Variants in NPAS3 observed in about 807,000 individuals in gnomAD.
The protein encoded by NPAS3 is neuronal PAS domain protein 3, also known as neuronal PAS domain-containing protein 3.
Under a neutral mutation model 73.1 loss-of-function variants are expected in NPAS3, and 14 were observed. The ratio of observed to expected loss-of-function variants is 0.19; its 90% CI spans 0.13 to 0.30. NPAS3 has a LOEUF of 0.30. NPAS3 is among the 10% of genes least tolerant of loss of function. The probability of loss-of-function intolerance (pLI) is 1.00; values close to 1 mark genes in which losing one functional copy is unlikely to be tolerated. For synonymous variants in NPAS3, 620 were observed against 541.5 expected, an observed-to-expected ratio of 1.14 and a Z score of -2.01; for missense variants, 1,096 against 1,250.0, an observed-to-expected ratio of 0.88 and a Z score of 1.86.
chr14:33,502,323 A>G (rs1248917016), intron 4 of NPAS3, among the ~76,000 whole-genome samples: 1 of 149,868 alleles, frequency 6.7e-6, no homozygotes, highest in Non-Finnish European at 1.5e-5. Context: ...CTCTCCTCCC[A>G]GTGGAGAAGG....
intron 2 of NPAS3, among the ~76,000 whole-genome samples, chr14:33,134,808 A>G (rs2043773277): frequency 6.6e-6 from 1 of 152,136 alleles, no homozygotes; most frequent in South Asian, 2.1e-4. Context: ...TTAGATCTTT[A>G]TATGGATAAT....
At chr14:33,198,072 C>T (rs981412240) in intron 2 of NPAS3, among the ~76,000 whole-genome samples, 7 of 95,960 alleles carry the variant, frequency 7.3e-5, no homozygotes, top group Admixed American at 6.8e-4. Context: ...TTGTTCCTCC[C>T]GTCCAGAGTT....
chr14:33,719,618 G>A (rs866478400), intron 6 of NPAS3, among the ~76,000 whole-genome samples: 24 of 152,036 alleles, frequency 1.6e-4, no homozygotes, highest in Non-Finnish European at 2.2e-4. Flanking sequence ...GAAAAGAAGC[G>A]GAGTCTTAAG....
In NPAS3 at chr14:33,322,000, G is replaced by A. The variant is rs17100641; in HGVS notation, c.386-45186G>A. On this transcript the variant is annotated intron_variant, in intron 3 of 11. Coordinates refer to ENST00000356141, the Ensembl canonical transcript of NPAS3. The stretch of plus-strand genomic sequence containing the variant: ...CTGCAGGACTGAATGAGCCAGTCGG[G>A]TTTTGTGAGAAGGGAAGGGGCCTGT... Among the ~76,000 whole-genome samples the A allele has an allele frequency of 8.6e-3, 1,310 of 152,268 alleles. 82 individuals carry two copies. In the East Asian group the frequency reaches 0.14, roughly 17 times the overall value.
intron 4 of NPAS3, among the ~76,000 whole-genome samples, chr14:33,506,787 T>C (rs1300374960): frequency 6.6e-6 from 1 of 152,070 alleles, no homozygotes; most frequent in Non-Finnish European, 1.5e-5. Flanking sequence ...GGTAGATTAC[T>C]GTGTAGGAAG....
chr14:33,432,858 A>G (rs1276356944), intron 4 of NPAS3, among the ~76,000 whole-genome samples: 1 of 152,216 alleles, frequency 6.6e-6, no homozygotes, highest in Non-Finnish European at 1.5e-5. Context: ...AGATAATCGT[A>G]CTAAATGAAC....
At chr14:33,273,490 A>G (rs1389961292) in intron 3 of NPAS3, among the ~76,000 whole-genome samples, 1 of 152,132 alleles carries the variant, frequency 6.6e-6, no homozygotes, top group African/African-American at 2.4e-5. Flanking sequence ...AAGCTATAAT[A>G]TTTATTCCAT....
intron 1 of NPAS3, among the ~76,000 whole-genome samples, chr14:32,955,364 A>G (rs1475948946): frequency 6.6e-6 from 1 of 152,138 alleles, no homozygotes; most frequent in Non-Finnish European, 1.5e-5. Flanking sequence ...CTGCAATGGG[A>G]CTACTTATGT....
intron 1 of NPAS3, among the ~76,000 whole-genome samples, chr14:32,987,865 T>G (rs2038160299): frequency 6.6e-6 from 1 of 152,202 alleles, no homozygotes; most frequent in African/African-American, 2.4e-5. Context: ...ATGAAATTTC[T>G]TATACTTGGA....
Position 33,360,500 on chromosome 14 carries a change from A to G in NPAS3, c.386-6686A>G, listed in dbSNP as rs560104943. Among the ~76,000 whole-genome samples the G allele has an allele frequency of 2.6e-5, 4 of 152,330 alleles. No individual in the cohort carries two copies. The South Asian group carries it at 8.3e-4, about 32-fold the overall frequency. On this transcript the variant is annotated intron_variant, in intron 3 of 11. Transcript: ENST00000356141. Reference sequence around the variant, plus strand: ...AGGAAATTCTCATTTCTTTCACTGTATAAAGGGAATTAAATAGTTAACTTT... The same window carrying G: ...AGGAAATTCTCATTTCTTTCACTGTGTAAAGGGAATTAAATAGTTAACTTT...
At chr14:33,258,503 G>T (rs547800435) in intron 3 of NPAS3, among the ~76,000 whole-genome samples, 67 of 152,230 alleles carry the variant, frequency 4.4e-4, no homozygotes, top group Non-Finnish European at 7.3e-4. Flanking sequence ...TGTAGGATTA[G>T]CTTTGTCCTT....
chr14:33,584,859 C>T (rs1012242317), intron 5 of NPAS3, among the ~76,000 whole-genome samples: 4 of 152,140 alleles, frequency 2.6e-5, no homozygotes, highest in Non-Finnish European at 4.4e-5. Context: ...TACCTATTAA[C>T]ATGCACATGT....
At chr14:33,669,239 A>G (rs1409797939) in intron 5 of NPAS3, among the ~76,000 whole-genome samples, 1 of 152,210 alleles carries the variant, frequency 6.6e-6, no homozygotes, top group East Asian at 1.9e-4. Flanking sequence ...TTTTACTATG[A>G]TGTAACCTCT....
intron 1 of NPAS3, among the ~76,000 whole-genome samples, chr14:32,988,757 C>T (rs1420211297): frequency 3.9e-5 from 6 of 152,226 alleles, no homozygotes; most frequent in Non-Finnish European, 7.3e-5. Context: ...TCCAAAACTT[C>T]TCTAGGGCTT....
At chr14:33,627,836 T>C (rs2058264319) in intron 5 of NPAS3, among the ~76,000 whole-genome samples, 1 of 152,224 alleles carries the variant, frequency 6.6e-6, no homozygotes, top group South Asian at 2.1e-4. Flanking sequence ...TTCACAGAGA[T>C]GCTGATGAAT....
intron 5 of NPAS3, among the ~76,000 whole-genome samples, chr14:33,652,512 G>A (rs898362770): frequency 1.3e-5 from 2 of 152,148 alleles, no homozygotes; most frequent in South Asian, 4.1e-4. Flanking sequence ...TGATGGGCTG[G>A]CCTAGTGACC....
intron 4 of NPAS3, among the ~76,000 whole-genome samples, chr14:33,541,124 T>TGTGC (rs1566985371): frequency 3.4e-4 from 51 of 150,980 alleles, no homozygotes; most frequent in African/African-American, 1.2e-3. Flanking sequence ...TGTGTGTGTG[T>TGTGC]GTGCATGCAC....
At chr14:33,245,212 C>T (rs1425027803) in intron 3 of NPAS3, among the ~76,000 whole-genome samples, 2 of 152,138 alleles carry the variant, frequency 1.3e-5, no homozygotes, top group East Asian at 3.9e-4. Flanking sequence ...TGATTCAAAA[C>T]ATTCATTGAA....
At chr14:33,129,966 A>G (rs547243034) in intron 2 of NPAS3, among the ~76,000 whole-genome samples, 3 of 152,308 alleles carry the variant, frequency 2.0e-5, no homozygotes, top group South Asian at 4.1e-4. Flanking sequence ...ATCTGTGTTT[A>G]GCATGGCTCC....
Sources: gnomAD v4.1 joint callset for allele counts (sites outside exome capture counted in the v4.1 genomes callset) on GRCh38, gnomAD v4.1.1 for gene constraint, MANE v1.5 for transcripts, NCBI Gene and HGNC (gene_info 2026-07-23, HGNC 2026-07-21) for gene names.